Variants in IMMP2L observed in about 807,000 individuals in gnomAD.
IMMP2L encodes inner mitochondrial membrane peptidase subunit 2, also known as mitochondrial inner membrane protease subunit 2.
IMMP2L carries 18 observed loss-of-function variants against 19.3 expected under a neutral mutation model. The ratio of observed to expected loss-of-function variants is 0.93; its 90% CI spans 0.64 to 1.38. The LOEUF (loss-of-function observed/expected upper bound fraction) is 1.38. Among genes scored for constraint, IMMP2L ranks in the 40% most tolerant of loss-of-function variants. The pLI is 0.00. For synonymous variants in IMMP2L, 76 were observed against 73.0 expected (o/e 1.04, Z -0.21); for missense variants, 233 against 218.2 (o/e 1.07, Z -0.43).
intron 5 of IMMP2L, among the ~76,000 whole-genome samples, chr7:110,744,616 GTGGAC>G (rs1412600182): frequency 6.6e-6 from 1 of 152,244 alleles, no homozygotes; most frequent in Non-Finnish European, 1.5e-5. Flanking sequence ...AGGGTCTGGA[GTGGAC>G]CTCCAGCAAA....
intron 3 of IMMP2L, among the ~76,000 whole-genome samples, chr7:111,439,813 C>A (rs1359937459): frequency 1.3e-5 from 2 of 151,886 alleles, no homozygotes; most frequent in Non-Finnish European, 2.9e-5. Flanking sequence ...TTGCATTTTA[C>A]CCACAGTAAA....
At chr7:110,786,709 T>A (rs982254927) in intron 5 of IMMP2L, among the ~76,000 whole-genome samples, 1 of 152,074 alleles carries the variant, frequency 6.6e-6, no homozygotes, top group African/African-American at 2.4e-5. Flanking sequence ...TGCAGGGATA[T>A]TTCATCACTG....
At chr7:110,894,327 A>G (rs1264939008) in intron 4 of IMMP2L, among the ~76,000 whole-genome samples, 2 of 152,186 alleles carry the variant, frequency 1.3e-5, no homozygotes, top group African/African-American at 4.8e-5. Flanking sequence ...GTTTGGTTAC[A>G]GAACTGTTTT....
At chr7:111,271,991 C>T (rs1191004392) in intron 3 of IMMP2L, among the ~76,000 whole-genome samples, 1 of 152,196 alleles carries the variant, frequency 6.6e-6, no homozygotes, top group Non-Finnish European at 1.5e-5. Context: ...CAGCAACAGC[C>T]TCCTAATCAG....
chr7:111,122,704 T>C, intron 3 of IMMP2L: 1 of 1,194,622 alleles, frequency 8.4e-7, no homozygotes, highest in African/African-American at 1.5e-5. Context: ...AATCAGCTCC[T>C]ATTGAACTTA....
chr7:110,698,895 C>T (rs1431488695), intron 5 of IMMP2L, among the ~76,000 whole-genome samples: 1 of 152,150 alleles, frequency 6.6e-6, no homozygotes, highest in African/African-American at 2.4e-5. Flanking sequence ...CATCTGGATG[C>T]TTTAAGAAAT....
chr7:111,202,062 T>C (rs553957890), intron 3 of IMMP2L, among the ~76,000 whole-genome samples: 1 of 152,342 alleles, frequency 6.6e-6, no homozygotes, highest in East Asian at 1.9e-4. Flanking sequence ...GCCCATCTTT[T>C]GAAAAGTAGC....
chr7:111,420,326 G>T (rs1259762393), intron 3 of IMMP2L, among the ~76,000 whole-genome samples: 1 of 151,690 alleles, frequency 6.6e-6, no homozygotes, highest in Non-Finnish European at 1.5e-5. Flanking sequence ...GATCACAAAA[G>T]AAATTCCGAA....
chr7:111,392,927 G>A, intron 3 of IMMP2L: 1 of 440,584 alleles, frequency 2.3e-6, no homozygotes, highest in South Asian at 1.6e-5. Flanking sequence ...CCACCCACCT[G>A]GCATGTGGAT....
chr7:111,540,471 A>T (rs1187062423), intron 1 of IMMP2L, among the ~76,000 whole-genome samples: 2 of 152,214 alleles, frequency 1.3e-5, no homozygotes, highest in East Asian at 3.8e-4. Context: ...AGCTGAACAC[A>T]TAAAATTATT....
intron 3 of IMMP2L, among the ~76,000 whole-genome samples, chr7:111,235,033 T>C (rs1365450153): frequency 6.6e-6 from 1 of 152,160 alleles, no homozygotes. Context: ...TTCTAACTGA[T>C]AACATTTTTC....
At chr7:110,944,391 CAA>C (rs1334024078) in intron 4 of IMMP2L, among the ~76,000 whole-genome samples, 1 of 151,936 alleles carries the variant, frequency 6.6e-6, no homozygotes, top group Non-Finnish European at 1.5e-5. Context: ...AACATGAACA[CAA>C]GAAGATAAGC....
chr7:111,383,556 A>G (rs756016082), intron 3 of IMMP2L, among the ~76,000 whole-genome samples: 4 of 152,128 alleles, frequency 2.6e-5, no homozygotes, highest in African/African-American at 9.7e-5. Context: ...CCTCATTGAA[A>G]AAGTCAGACA....
intron 5 of IMMP2L, among the ~76,000 whole-genome samples, chr7:110,866,297 G>A (rs567730274): frequency 1.2e-4 from 18 of 151,846 alleles, no homozygotes; most frequent in Non-Finnish European, 1.5e-4. Flanking sequence ...AGGAATAATC[G>A]CATAAAATCT....
intron 3 of IMMP2L, among the ~76,000 whole-genome samples, chr7:111,377,464 T>G (rs1830786319): frequency 6.6e-6 from 1 of 151,980 alleles, no homozygotes. Flanking sequence ...ATACTCTTCA[T>G]GCCCAGCACC....
intron 3 of IMMP2L, among the ~76,000 whole-genome samples, chr7:111,015,405 G>T (rs1256610248): frequency 6.6e-6 from 1 of 152,078 alleles, no homozygotes; most frequent in Non-Finnish European, 1.5e-5. Flanking sequence ...GCAAGAGACA[G>T]GAGGAAAGAG....
chr7:110,684,312 T>C (rs1334694725), intron 5 of IMMP2L, among the ~76,000 whole-genome samples: 1 of 152,044 alleles, frequency 6.6e-6, no homozygotes, highest in Non-Finnish European at 1.5e-5. Flanking sequence ...GTATGTTGAT[T>C]ATGTATATGC....
chr7:111,375,226 C>G (rs573664358), intron 3 of IMMP2L, among the ~76,000 whole-genome samples: 2 of 151,386 alleles, frequency 1.3e-5, no homozygotes, highest in South Asian at 4.2e-4. Context: ...AGAGGCAGGT[C>G]AAAAGACAAA....
chr7:111,491,314 G>A (rs1843081083), intron 2 of IMMP2L, among the ~76,000 whole-genome samples: 1 of 152,046 alleles, frequency 6.6e-6, no homozygotes, highest in African/African-American at 2.4e-5. Flanking sequence ...TGGGGTGTGG[G>A]ACAGTCAAAA....
Sources: gnomAD v4.1 joint callset for allele counts (sites outside exome capture counted in the v4.1 genomes callset) on GRCh38, gnomAD v4.1.1 for gene constraint, MANE v1.5 for transcripts, NCBI Gene and HGNC (gene_info 2026-07-23, HGNC 2026-07-21) for gene names.